Variants in SYN3 observed in about 807,000 individuals in gnomAD.
SYN3 encodes the protein synapsin III, also known as synapsin-3.
SYN3 carries 35 observed loss-of-function variants against 65.8 expected under a neutral mutation model. The observed-to-expected ratio is 0.53, with a 90% CI of 0.41 to 0.70. The LOEUF (loss-of-function observed/expected upper bound fraction) is 0.70, where lower values mean the gene tolerates loss of function less well. Ranked by LOEUF, SYN3 falls within the 30% of genes least tolerant of loss-of-function variation. The pLI, the probability that SYN3 is intolerant of heterozygous loss-of-function variation, is 0.00. For missense variants in SYN3, 680 were observed against 749.0 expected, an observed-to-expected ratio of 0.91 and a Z score of 1.08; for synonymous variants, 270 against 292.9, an observed-to-expected ratio of 0.92 and a Z score of 0.80.
chr22:32,960,641 A>G (rs2146882321), intron 3 of SYN3, among the ~76,000 whole-genome samples: 1 of 152,286 alleles, frequency 6.6e-6, no homozygotes, highest in East Asian at 1.9e-4. Context: ...GTTTAAGACA[A>G]CAGGCTCTGA....
At chr22:33,039,767 A>G (rs928830916) in intron 1 of SYN3, among the ~76,000 whole-genome samples, 2 of 151,710 alleles carry the variant, frequency 1.3e-5, no homozygotes, top group Admixed American at 1.3e-4. Context: ...CTTTCCCTGT[A>G]TTTTCTCTGT....
chr22:32,517,205 C>T (rs1399371338), intron 13 of SYN3, among the ~76,000 whole-genome samples: 1 of 152,202 alleles, frequency 6.6e-6, no homozygotes, highest in Non-Finnish European at 1.5e-5. Context: ...CTGTGACTTG[C>T]TTTGACTAAA....
intron 1 of SYN3, among the ~76,000 whole-genome samples, chr22:33,020,900 C>T (rs1043306963): frequency 1.3e-5 from 2 of 152,208 alleles, no homozygotes; most frequent in African/African-American, 2.4e-5. Flanking sequence ...CCTCTCTGTG[C>T]CTCAGTTTTC....
chr22:32,779,044 A>T (rs761643980), intron 6 of SYN3, among the ~76,000 whole-genome samples: 25 of 152,220 alleles, frequency 1.6e-4, no homozygotes, highest in Non-Finnish European at 2.2e-4. Flanking sequence ...CTAGTGAGGA[A>T]GGCTGACATT....
chr22:32,734,625 A>G (rs2061314738), intron 6 of SYN3, among the ~76,000 whole-genome samples: 1 of 152,196 alleles, frequency 6.6e-6, no homozygotes, highest in South Asian at 2.1e-4. Flanking sequence ...AGGGACAGAG[A>G]AGGATAAAGA....
chr22:32,648,950 C>T (rs759905614), intron 6 of SYN3, among the ~76,000 whole-genome samples: 1 of 152,160 alleles, frequency 6.6e-6, no homozygotes, highest in Non-Finnish European at 1.5e-5. Context: ...AACAAAGAGG[C>T]CCCTGGATGT....
intron 1 of SYN3, among the ~76,000 whole-genome samples, chr22:33,047,580 C>T (rs1292333014): frequency 6.6e-6 from 1 of 152,004 alleles, no homozygotes; most frequent in Admixed American, 6.6e-5. Context: ...GCAGGAGGTG[C>T]CAGGCTATAA....
chr22:32,732,789 A>G lies in SYN3; in HGVS notation c.711+132126T>C, dbSNP rs376460062. On this transcript the variant is annotated intron_variant, in intron 6 of 13. Coordinates refer to ENST00000358763, the MANE Select transcript of SYN3 (RefSeq NM_003490.4). ...ACTTCACCAGACGTACTTAGAACTT[A>G]CAGATGGAAACCATATTTACTGACC... Among the ~76,000 whole-genome samples the G allele has an allele frequency of 3.0e-4, 45 of 152,366 alleles. 1 individual carries two copies. In the South Asian group the frequency reaches 9.3e-3, roughly 32 times the overall value.
intron 7 of SYN3, among the ~76,000 whole-genome samples, chr22:32,560,520 T>A (rs1252836192): frequency 6.6e-6 from 1 of 152,164 alleles, no homozygotes; most frequent in Non-Finnish European, 1.5e-5. Context: ...AGGCCTATCC[T>A]GTCGATTCCA....
At chr22:32,588,256 G>A (rs577661089) in intron 7 of SYN3, among the ~76,000 whole-genome samples, 3 of 152,264 alleles carry the variant, frequency 2.0e-5, no homozygotes, top group South Asian at 2.1e-4. Flanking sequence ...CTTGGGCAAG[G>A]CCCTTGTCCT....
intron 1 of SYN3, among the ~76,000 whole-genome samples, chr22:33,043,363 C>G (rs1048431342): frequency 2.0e-5 from 3 of 152,098 alleles, no homozygotes. Context: ...GCCTGGCCAA[C>G]ATGGCGAAAC....
At chr22:32,834,598 G>A (rs560871490) in intron 6 of SYN3, among the ~76,000 whole-genome samples, 3 of 152,310 alleles carry the variant, frequency 2.0e-5, no homozygotes, top group African/African-American at 7.2e-5. Context: ...GGCTGGTGCT[G>A]TGTATGTTTT....
chr22:32,895,046 A>C (rs2049553443), intron 4 of SYN3, among the ~76,000 whole-genome samples: 1 of 152,226 alleles, frequency 6.6e-6, no homozygotes, highest in South Asian at 2.1e-4. Context: ...ATCTCAGCTG[A>C]TATGAGTGAC....
At chr22:32,650,508 C>A (rs2060054410) in intron 6 of SYN3, among the ~76,000 whole-genome samples, 1 of 152,000 alleles carries the variant, frequency 6.6e-6, no homozygotes, top group Admixed American at 6.6e-5. Context: ...TCAAGCGATC[C>A]CCTCATTTCA....
chr22:33,042,885 T>A (rs1199580197), intron 1 of SYN3, among the ~76,000 whole-genome samples: 1 of 152,144 alleles, frequency 6.6e-6, no homozygotes, highest in Non-Finnish European at 1.5e-5. Flanking sequence ...GGCCAAAGGA[T>A]CCCTGAGCTG....
At chr22:32,936,777 G>A (rs909991073) in intron 3 of SYN3, among the ~76,000 whole-genome samples, 7 of 152,126 alleles carry the variant, frequency 4.6e-5, no homozygotes, top group Admixed American at 3.3e-4. Flanking sequence ...AGTTTGTCCC[G>A]GTTTGCCTTG....
chr22:32,872,825 C>G (rs1235300109), intron 4 of SYN3, among the ~76,000 whole-genome samples: 2 of 152,160 alleles, frequency 1.3e-5, no homozygotes, highest in African/African-American at 4.8e-5. Flanking sequence ...CGAGCCTCGA[C>G]AGTGGGCCAA....
chr22:32,652,230 T>G (rs5754188), intron 6 of SYN3, among the ~76,000 whole-genome samples: 50,120 of 151,892 alleles, frequency 0.33, 10,561 homozygotes, highest in East Asian at 0.74. Context: ...CACACTCAAT[T>G]TAGAACAGCC....
chr22:32,538,219 C>A, intron 8 of SYN3, 109 bp from the exon 9 acceptor site: 1 of 901,018 alleles, frequency 1.1e-6, no homozygotes, highest in Non-Finnish European at 1.9e-6. Context: ...AACTGGCTCA[C>A]GTAATGGCAT....
Sources: gnomAD v4.1 joint callset for allele counts (sites outside exome capture counted in the v4.1 genomes callset) on GRCh38, gnomAD v4.1.1 for gene constraint, MANE v1.5 for transcripts, NCBI Gene and HGNC (gene_info 2026-07-23, HGNC 2026-07-21) for gene names.